Variants in MYBPC1 observed in about 807,000 individuals in gnomAD.
MYBPC1 encodes myosin binding protein C1, also known as myosin-binding protein C, slow-type.
In MYBPC1, 52 loss-of-function variants were observed where a neutral mutation model predicts 147.1. The observed-to-expected ratio is 0.35, with a 90% CI of 0.28 to 0.45. The LOEUF is 0.45. Among genes scored for constraint, MYBPC1 ranks in the 20% least tolerant of loss-of-function variants. MYBPC1 has a pLI of 1.00. For synonymous variants in MYBPC1, 477 were observed against 475.9 expected (o/e 1.00, Z -0.03); for missense variants, 1,228 against 1,440.3 (o/e 0.85, Z 2.39).
intron 14 of MYBPC1, 148 bp downstream of exon 14, chr12:101,648,298 A>G (rs1484514101): frequency 1.7e-6 from 1 of 588,842 alleles, no homozygotes; most frequent in African/African-American, 1.9e-5. Context: ...AAATAAAAGT[A>G]TACTAATATA....
intron 2 of MYBPC1, among the ~76,000 whole-genome samples, chr12:101,616,274 G>T (rs1046603772): frequency 6.6e-6 from 1 of 152,040 alleles, no homozygotes; most frequent in African/African-American, 2.4e-5. Flanking sequence ...TTTTCTCCTT[G>T]CCCATAACAA....
chr12:101,660,366 T>A, intron 19 of MYBPC1: 1 of 177,014 alleles, frequency 5.6e-6, no homozygotes, highest in Non-Finnish European at 1.2e-5. Flanking sequence ...AGCCAACATC[T>A]TGAGTCTTGT....
At chr12:101,619,909 GA>G (rs1886996145) in intron 3 of MYBPC1, among the ~76,000 whole-genome samples, 2 of 152,262 alleles carry the variant, frequency 1.3e-5, no homozygotes, top group Admixed American at 1.3e-4. Context: ...AATGCTTTTT[GA>G]AGCCACAGAG....
At chr12:101,621,989 A>G (rs1173432082) in intron 3 of MYBPC1, among the ~76,000 whole-genome samples, 1 of 152,202 alleles carries the variant, frequency 6.6e-6, no homozygotes, top group East Asian at 1.9e-4. Context: ...CATGACTTAC[A>G]GATGAATAAA....
intron 12 of MYBPC1, among the ~76,000 whole-genome samples, chr12:101,645,636 C>T (rs1565948455): frequency 6.6e-6 from 1 of 152,094 alleles, no homozygotes; most frequent in South Asian, 2.1e-4. Flanking sequence ...TGAAGATGGC[C>T]TGAATTTACC....
intron 26 of MYBPC1, among the ~76,000 whole-genome samples, 196 bp from the exon 27 acceptor site, chr12:101,677,039 G>A (rs760469462): frequency 6.6e-6 from 1 of 152,136 alleles, no homozygotes; most frequent in Non-Finnish European, 1.5e-5. Context: ...TTGCAAATAA[G>A]TTGTGAAATA....
At chr12:101,652,525 CCTCTCT>C (rs72257829) in intron 16 of MYBPC1, among the ~76,000 whole-genome samples, 147 bp from the exon 17 acceptor site, 2 of 149,460 alleles carry the variant, frequency 1.3e-5, no homozygotes, top group African/African-American at 2.5e-5. Flanking sequence ...GGCTTCTCAT[CCTCTCT>C]CTCTCTCTCT....
intron 11 of MYBPC1, 36 bp from the exon 12 acceptor site, chr12:101,644,628 T>C (rs1409269632): frequency 1.3e-6 from 2 of 1,564,602 alleles, no homozygotes; most frequent in South Asian, 1.1e-5. Context: ...TATGTATACA[T>C]ATATTAACAT....
chr12:101,659,980 G>C, intron 19 of MYBPC1, 149 bp downstream of exon 19: 1 of 1,016,936 alleles, frequency 9.8e-7, no homozygotes, highest in Non-Finnish European at 1.5e-6. Context: ...CTTATCATTG[G>C]AGAAAGAAGA....
intron 11 of MYBPC1, 73 bp downstream of exon 11, chr12:101,642,658 T>C: frequency 2.0e-6 from 3 of 1,502,742 alleles, no homozygotes; most frequent in East Asian, 2.4e-5. Flanking sequence ...GTGAACCCCA[T>C]CCCGAGCTCC....
At chr12:101,679,331 T>G (rs1950783038) in intron 28 of MYBPC1, among the ~76,000 whole-genome samples, 1 of 151,604 alleles carries the variant, frequency 6.6e-6, no homozygotes, top group Admixed American at 6.6e-5. Context: ...GGTTTGGGAG[T>G]CCCATACATA....
At chr12:101,639,488 G>A (rs974584912) in intron 10 of MYBPC1, among the ~76,000 whole-genome samples, 5 of 152,166 alleles carry the variant, frequency 3.3e-5, no homozygotes, top group African/African-American at 9.7e-5. Context: ...TTCTCTTTAC[G>A]ATTTGAGATA....
intron 21 of MYBPC1, 92 bp downstream of exon 21, chr12:101,662,638 C>A: frequency 7.1e-7 from 1 of 1,417,782 alleles, no homozygotes; most frequent in Non-Finnish European, 9.9e-7. Context: ...CAGGCCTGGA[C>A]ACTTCTTAGA....
At chr12:101,683,775 A>T (rs1951177874) in intron 30 of MYBPC1, among the ~76,000 whole-genome samples, 1 of 152,196 alleles carries the variant, frequency 6.6e-6, no homozygotes, top group Non-Finnish European at 1.5e-5. Context: ...CAGAGATAAT[A>T]ACAGCTTTCA....
intron 3 of MYBPC1, among the ~76,000 whole-genome samples, chr12:101,620,142 A>G (rs1887046893): frequency 6.6e-6 from 1 of 152,216 alleles, no homozygotes; most frequent in Non-Finnish European, 1.5e-5. Flanking sequence ...GTCTTCTGGA[A>G]TTGAAACAAG....
At chr12:101,669,159 A>G (rs1898054583) in intron 23 of MYBPC1, among the ~76,000 whole-genome samples, 1 of 152,130 alleles carries the variant, frequency 6.6e-6, no homozygotes, top group Non-Finnish European at 1.5e-5. Context: ...TTTTTTCTAG[A>G]CTTGTGTGAC....
At chr12:101,651,096 T>C in intron 15 of MYBPC1, 135 bp from the exon 16 acceptor site, 1 of 930,124 alleles carries the variant, frequency 1.1e-6, no homozygotes, top group Non-Finnish European at 1.7e-6. Context: ...CTCTAATATA[T>C]TAATTGCATT....
At chr12:101,596,059 A>T (rs1877126176) in intron 1 of MYBPC1, among the ~76,000 whole-genome samples, 1 of 152,174 alleles carries the variant, frequency 6.6e-6, no homozygotes, top group Non-Finnish European at 1.5e-5. Flanking sequence ...TAAAAGAAAA[A>T]GAAAGATTAG....
Position 101,669,935 on chromosome 12 carries a change from AAAAAG to A in MYBPC1, c.2525-381_2525-377del, listed in dbSNP as rs779260932. 2,254 of 315,704 alleles carry A rather than the reference AAAAAG, an allele frequency of 7.1e-3. 1 individual carries two copies. The highest frequency in any genetic ancestry group is 0.01 in the Middle Eastern group (9 of 858). The allele number at this position is 315,704 out of a possible 1,614,324, so 19.6% of individuals were successfully genotyped here. A position where few individuals can be genotyped will look rare whatever the true frequency, so the allele number is the denominator to read the frequency against. On this transcript the variant is annotated intron_variant, in intron 23 of 31. Transcript: ENST00000361466. ...GACAGAGAGAGACTCTCTGAAAAAAAAAAAGAAAAAAAAAAAGAAACTATGAAAAG... is the reference window on the plus strand; with the variant it reads ...GACAGAGAGAGACTCTCTGAAAAAAAAAAAAAAAAAAGAAACTATGAAAAG...
Sources: allele counts gnomAD v4.1 joint callset (sites outside exome capture counted in the v4.1 genomes callset), GRCh38; gene constraint gnomAD v4.1.1; transcripts MANE v1.5; gene names NCBI Gene and HGNC (gene_info 2026-07-23, HGNC 2026-07-21).